PFKFB3: variants seen among roughly 807,000 people sequenced by gnomAD.
PFKFB3 encodes 6-phosphofructo-2-kinase/fructose-2,6-biphosphatase 3.
In PFKFB3, 33 loss-of-function variants were observed where a neutral mutation model predicts 68.0. The observed-to-expected ratio is 0.49, with a 90% CI of 0.37 to 0.65. The LOEUF (loss-of-function observed/expected upper bound fraction) is 0.65, where lower values mean the gene tolerates loss of function less well. Among genes scored for constraint, PFKFB3 ranks in the 30% least tolerant of loss-of-function variants. The probability of loss-of-function intolerance (pLI) is 0.00; values close to 1 mark genes in which losing one functional copy is unlikely to be tolerated. For missense variants in PFKFB3, 586 were observed against 712.2 expected (o/e 0.82, Z 2.02); for synonymous variants, 315 against 288.2 (o/e 1.09, Z -0.94).
At chr10:6,326,596 T>C in the PFKFB3 span, 1 of 453,058 alleles carries the variant, frequency 2.2e-6, no homozygotes, top group East Asian at 7.1e-5. Flanking sequence ...CCCTGCTCCG[T>C]TGCCCCGACG....
At chr10:6,308,407 T>C in the PFKFB3 span, among the ~76,000 whole-genome samples, 1 of 152,100 alleles carries the variant, frequency 6.6e-6, no homozygotes, top group Non-Finnish European at 1.5e-5. Flanking sequence ...TCCCAGCTAC[T>C]TGGGAGGCTG....
rs111928593 is a variant in PFKFB3 at position 6,234,669 on chromosome 10, A to C, written c.*1727A>C. 1 of 152,256 alleles carries C rather than the reference A, an allele frequency of 6.6e-6. No homozygotes were observed. Among genetic ancestry groups the C allele is most frequent in the Non-Finnish European group, 1.5e-5 (1 of 68,036 alleles). 9.4% of individuals were successfully genotyped at this position (152,256 alleles called of 1,614,324 possible). A position where few individuals can be genotyped will look rare whatever the true frequency, so the allele number is the denominator to read the frequency against. On this transcript the variant is annotated 3_prime_UTR_variant, in exon 15 of 15. Transcript: ENST00000379775. ...GTAGGGGGTGGACGTGCACGGGTGCATGATTGTGCTTAACTTGGTTGTATT... is the reference window on the plus strand; with the variant it reads ...GTAGGGGGTGGACGTGCACGGGTGCCTGATTGTGCTTAACTTGGTTGTATT...
upstream of PFKFB3, chr10:6,202,440 C>G (rs1020992161): frequency 3.9e-5 from 6 of 152,350 alleles, no homozygotes; most frequent in African/African-American, 1.4e-4. Flanking sequence ...ATGTCCTTAC[C>G]TGGACTGCGC....
chr10:6,145,031 G>A, intron 1 of PFKFB3: 3 of 1,333,900 alleles, frequency 2.2e-6, no homozygotes, highest in South Asian at 1.9e-5. Context: ...TCCCGGTGAC[G>A]CGGCCCACGC....
chr10:6,289,386 G>T, the PFKFB3 span, among the ~76,000 whole-genome samples: 3 of 151,966 alleles, frequency 2.0e-5, no homozygotes, highest in Admixed American at 6.6e-5. Flanking sequence ...TTTGTGTAAG[G>T]TGTAAGGAAG....
chr10:6,293,365 A>G, the PFKFB3 span: 1 of 268,986 alleles, frequency 3.7e-6, no homozygotes, highest in Non-Finnish European at 7.4e-6. Flanking sequence ...TTTCTTTCGG[A>G]GATGGAGTCT....
downstream of PFKFB3, among the ~76,000 whole-genome samples, chr10:6,236,847 A>G (rs1846023510): frequency 6.6e-6 from 1 of 152,204 alleles, no homozygotes; most frequent in Admixed American, 6.5e-5. Flanking sequence ...TCTGAGATTC[A>G]TCTGAGAGAT....
intron 1 of PFKFB3, among the ~76,000 whole-genome samples, chr10:6,213,134 G>A (rs1317997877): frequency 3.9e-5 from 6 of 152,176 alleles, no homozygotes; most frequent in Admixed American, 6.5e-5. Flanking sequence ...AGAACCTAAA[G>A]GCAGGACTGA....
the PFKFB3 span, among the ~76,000 whole-genome samples, chr10:6,270,298 A>G: frequency 6.6e-6 from 1 of 152,160 alleles, no homozygotes; most frequent in Admixed American, 6.5e-5. Flanking sequence ...GGAGATAATG[A>G]TGCCTTCTTT....
rs923768926 is a variant in PFKFB3 at position 6,235,383 on chromosome 10, G to A, written c.*2441G>A. ...GTTAATTGGTTTGGGAGCCTCCTATGTGTGACTTATGACTTCTCTGTGTTC... is the reference window on the plus strand; with the variant it reads ...GTTAATTGGTTTGGGAGCCTCCTATATGTGACTTATGACTTCTCTGTGTTC... On this transcript the variant is annotated 3_prime_UTR_variant, in exon 15 of 15. Transcript: ENST00000379775. 2 of 152,258 alleles carry A rather than the reference G, an allele frequency of 1.3e-5. No homozygotes were observed. The highest frequency in any genetic ancestry group is 6.5e-5 in the Admixed American group (1 of 15,276). 9.4% of individuals were successfully genotyped at this position (152,258 alleles called of 1,614,324 possible). A position where few individuals can be genotyped will look rare whatever the true frequency, so the allele number is the denominator to read the frequency against.
the PFKFB3 span, among the ~76,000 whole-genome samples, chr10:6,292,929 C>A: frequency 6.6e-6 from 1 of 152,168 alleles, no homozygotes; most frequent in Non-Finnish European, 1.5e-5. Context: ...GAAATCTGAA[C>A]AGGTTATCAG....
At chr10:6,244,988 A>G (rs948438647) in intron 14 of PFKFB3, among the ~76,000 whole-genome samples, 1 of 152,202 alleles carries the variant, frequency 6.6e-6, no homozygotes, top group African/African-American at 2.4e-5. Context: ...CGAGATCTGC[A>G]AGTTTAAACT....
At chr10:6,227,604 C>A (rs1044998336) in intron 14 of PFKFB3, among the ~76,000 whole-genome samples, 1 of 152,210 alleles carries the variant, frequency 6.6e-6, no homozygotes, top group Admixed American at 6.5e-5. Context: ...GCATCAGGCC[C>A]AGTGTCGGGC....
At position 6,227,085 on chromosome 10, in the gene PFKFB3, C is replaced by CA. The variant is rs1042189880; in HGVS notation, c.1515+731dup. Among the ~76,000 whole-genome samples the CA allele has an allele frequency of 5.2e-3, 706 of 136,226 alleles. 9 individuals are homozygous for CA. Among genetic ancestry groups the CA allele is most frequent in the African/African-American group, 0.016 (592 of 37,062 alleles). 89.4% of individuals were successfully genotyped at this position (136,226 alleles called of 152,430 possible). On this transcript the variant is annotated intron_variant, in intron 14 of 14. Coordinates refer to ENST00000379775, the MANE Select transcript of PFKFB3 (RefSeq NM_004566.4). ...TGGGTGACAGAGGGAGACTCCGTCT[C>CA]AAAAAAAAAAAGCAAAAAACCCCAA...
chr10:6,218,511 C>A (rs1025091613), intron 6 of PFKFB3, among the ~76,000 whole-genome samples: 1 of 151,980 alleles, frequency 6.6e-6, no homozygotes, highest in Admixed American at 6.6e-5. Flanking sequence ...TCACTGCAAC[C>A]TCTGCCTCCC....
chr10:6,185,349 G>A (rs956164677), intron 1 of PFKFB3, among the ~76,000 whole-genome samples: 2 of 152,210 alleles, frequency 1.3e-5, no homozygotes, highest in African/African-American at 2.4e-5. Context: ...GTGGCAGGAG[G>A]GTTAGCCACT....
chr10:6,218,895 C>G (rs370928942), intron 6 of PFKFB3, among the ~76,000 whole-genome samples: 10 of 152,338 alleles, frequency 6.6e-5, no homozygotes, highest in Non-Finnish European at 1.2e-4. Context: ...GAGTGGCTGC[C>G]TCTCAGTGAC....
the PFKFB3 span, among the ~76,000 whole-genome samples, chr10:6,305,005 A>AT: frequency 0.024 from 350 of 14,526 alleles, 75 homozygotes; most frequent in Non-Finnish European, 0.027. Context: ...AATATTAGGA[A>AT]TTTTTTTTTT....
At chr10:6,146,360 G>A in intron 1 of PFKFB3, 1 of 1,534,902 alleles carries the variant, frequency 6.5e-7, no homozygotes, top group Non-Finnish European at 8.7e-7. Flanking sequence ...TGACTCTCCT[G>A]TCCCGTTGGG....
Sources: allele counts gnomAD v4.1 joint callset (sites outside exome capture counted in the v4.1 genomes callset), GRCh38; gene constraint gnomAD v4.1.1; transcripts MANE v1.5; gene names NCBI Gene and HGNC (gene_info 2026-07-23, HGNC 2026-07-21).